The following CRPPA variants were observed in gnomAD, a reference collection of about 807,000 sequenced individuals.
CRPPA encodes the protein CDP-L-ribitol pyrophosphorylase A.
A neutral mutation model predicts 52.0 loss-of-function variants in CRPPA; 43 were observed. That is an observed-to-expected ratio of 0.83 (90% confidence interval 0.65 to 1.07). CRPPA has a LOEUF of 1.07. CRPPA is among the 50% of genes least tolerant of loss of function. The probability of loss-of-function intolerance (pLI) is 0.00; values close to 1 mark genes in which losing one functional copy is unlikely to be tolerated. For missense variants in CRPPA, 629 were observed against 551.7 expected, an observed-to-expected ratio of 1.14 and a Z score of -1.40; for synonymous variants, 250 against 203.5, an observed-to-expected ratio of 1.23 and a Z score of -1.94.
At chr7:16,215,186 T>C (rs567613038) in intron 9 of CRPPA, among the ~76,000 whole-genome samples, 1 of 152,266 alleles carries the variant, frequency 6.6e-6, no homozygotes, top group East Asian at 1.9e-4. Flanking sequence ...CACAAATAAG[T>C]TTAAATACCT....
At chr7:16,319,198 G>C (rs1785206217) in intron 3 of CRPPA, among the ~76,000 whole-genome samples, 1 of 152,034 alleles carries the variant, frequency 6.6e-6, no homozygotes, top group Admixed American at 6.6e-5. Context: ...TGTTTTATGT[G>C]GTTTTCTGTA....
At chr7:16,415,809 G>A (rs1452591150) in intron 1 of CRPPA, among the ~76,000 whole-genome samples, 2 of 152,170 alleles carry the variant, frequency 1.3e-5, no homozygotes, top group African/African-American at 4.8e-5. Flanking sequence ...CAAGGAAGTA[G>A]TGGAAACAAA....
chr7:16,148,202 A>G (rs1783010808), intron 9 of CRPPA, among the ~76,000 whole-genome samples: 1 of 152,176 alleles, frequency 6.6e-6, no homozygotes, highest in Non-Finnish European at 1.5e-5. Context: ...AACTAGACAT[A>G]ATTTTCTCTT....
At chr7:16,252,653 T>G (rs189505362) in intron 8 of CRPPA, among the ~76,000 whole-genome samples, 1 of 152,196 alleles carries the variant, frequency 6.6e-6, no homozygotes, top group Non-Finnish European at 1.5e-5. Context: ...TCATTTTCTA[T>G]TGATTGGAAT....
At chr7:16,274,324 G>A (rs1784158790) in intron 6 of CRPPA, among the ~76,000 whole-genome samples, 1 of 152,138 alleles carries the variant, frequency 6.6e-6, no homozygotes, top group African/African-American at 2.4e-5. Context: ...TGGGATTACG[G>A]ACGTGAGCCA....
intron 9 of CRPPA, among the ~76,000 whole-genome samples, chr7:16,101,052 G>T (rs1583355168): frequency 6.6e-6 from 1 of 152,140 alleles, no homozygotes; most frequent in South Asian, 2.1e-4. Context: ...GAATTGGCTT[G>T]CCAGTATTTT....
chr7:16,229,493 T>C (rs941711690), intron 8 of CRPPA, among the ~76,000 whole-genome samples: 1 of 152,024 alleles, frequency 6.6e-6, no homozygotes, highest in African/African-American at 2.4e-5. Context: ...CCACATTAAA[T>C]TGTTTTAAGG....
chr7:16,100,572 A>C (rs1456156582), intron 9 of CRPPA, among the ~76,000 whole-genome samples: 1 of 152,226 alleles, frequency 6.6e-6, no homozygotes, highest in Non-Finnish European at 1.5e-5. Context: ...GGAGTTTTCT[A>C]AATATACAAT....
At chr7:16,398,292 GTGAC>G (rs1012598048) in intron 2 of CRPPA, among the ~76,000 whole-genome samples, 13 of 151,778 alleles carry the variant, frequency 8.6e-5, no homozygotes, top group African/African-American at 1.9e-4. Context: ...AGACAAACAC[GTGAC>G]TGACAGGTAA....
Position 16,215,105 on chromosome 7 carries a change from G to A in CRPPA, c.1251+961C>T, listed in dbSNP as rs1782268450. Among the ~76,000 whole-genome samples the A allele has an allele frequency of 2.0e-5, 3 of 152,218 alleles. No individual in the cohort carries two copies. The South Asian group carries it at 6.2e-4, about 32-fold the overall frequency. On this transcript the variant is annotated intron_variant, in intron 9 of 9. Coordinates refer to ENST00000407010, the MANE Select transcript of CRPPA (RefSeq NM_001101426.4). ...TATTTAATTAAAATGTATAGTTTCA[G>A]AAGAAATGTTACCCACAGGTTAAAA...
intron 5 of CRPPA, among the ~76,000 whole-genome samples, chr7:16,294,858 T>C (rs1175634227): frequency 6.6e-6 from 1 of 152,020 alleles, no homozygotes; most frequent in Non-Finnish European, 1.5e-5. Context: ...GTCACAGATG[T>C]GGAAAACCTG....
chr7:16,373,740 G>C (rs1269763136), intron 3 of CRPPA, among the ~76,000 whole-genome samples: 2 of 152,182 alleles, frequency 1.3e-5, no homozygotes, highest in Non-Finnish European at 2.9e-5. Context: ...TCTTGTATTT[G>C]AAGAATTAGA....
chr7:16,334,869 T>C (rs1785640023), intron 3 of CRPPA, among the ~76,000 whole-genome samples: 1 of 151,970 alleles, frequency 6.6e-6, no homozygotes, highest in Non-Finnish European at 1.5e-5. Context: ...TAAATGGCTA[T>C]CTCCTCAAAC....
rs78509112 is a variant in CRPPA, at chr7:16,340,772, T to C, written c.685-32145A>G. Reference sequence around the variant, plus strand: ...ACTCCTTAATGTTTACCCAAAAGAGTTGAAAATTTATACTCACTCAACAAC... The same window carrying C: ...ACTCCTTAATGTTTACCCAAAAGAGCTGAAAATTTATACTCACTCAACAAC... On this transcript the variant is annotated intron_variant, in intron 3 of 9. Coordinates refer to ENST00000407010, the MANE Select transcript of CRPPA (RefSeq NM_001101426.4). Among the ~76,000 whole-genome samples, 806 of 152,044 alleles carry C rather than the reference T, an allele frequency of 5.3e-3. 8 individuals are homozygous for C. Among genetic ancestry groups the C allele is most frequent in the African/African-American group, 0.018 (742 of 41,492 alleles).
chr7:16,392,046 AT>A (rs879447411), intron 2 of CRPPA, among the ~76,000 whole-genome samples: 1 of 152,172 alleles, frequency 6.6e-6, no homozygotes, highest in Admixed American at 6.5e-5. Flanking sequence ...TGCAAGTCTC[AT>A]TCATGCCACT....
intron 3 of CRPPA, among the ~76,000 whole-genome samples, chr7:16,322,812 T>C (rs1271850505): frequency 1.3e-5 from 2 of 152,096 alleles, no homozygotes; most frequent in South Asian, 2.1e-4. Flanking sequence ...TATGAAGAAA[T>C]ACCCGAGACT....
At chr7:16,275,409 T>C (rs2128417016) in intron 6 of CRPPA, among the ~76,000 whole-genome samples, 3 of 152,168 alleles carry the variant, frequency 2.0e-5, no homozygotes, top group Admixed American at 2.0e-4. Flanking sequence ...GCCTGAGAAG[T>C]CTAGATGGAC....
At chr7:16,398,328 C>G (rs1365830141) in intron 2 of CRPPA, among the ~76,000 whole-genome samples, 4 of 150,574 alleles carry the variant, frequency 2.7e-5, no homozygotes, top group African/African-American at 4.9e-5. Context: ...AACACATGAT[C>G]AATACGTTAT....
chr7:16,303,498 A>AAAAAAAAAAAAAAAAAAAAAAAAAC (rs1784838894), intron 4 of CRPPA, among the ~76,000 whole-genome samples: 1 of 149,516 alleles, frequency 6.7e-6, no homozygotes, highest in African/African-American at 2.5e-5. Context: ...AAAAAAAAAA[A>AAAAAAAAAAAAAAAAAAAAAAAAAC]AAAAACTTTC....
Sources: gnomAD v4.1 joint callset for allele counts (sites outside exome capture counted in the v4.1 genomes callset) on GRCh38, gnomAD v4.1.1 for gene constraint, MANE v1.5 for transcripts, NCBI Gene and HGNC (gene_info 2026-07-23, HGNC 2026-07-21) for gene names.